Variants in DNAH10 observed in about 807,000 individuals in gnomAD.
DNAH10 encodes the protein dynein axonemal heavy chain 10.
In DNAH10, 348 loss-of-function variants were observed where a neutral mutation model predicts 506.6. The ratio of observed to expected loss-of-function variants is 0.69; its 90% CI spans 0.63 to 0.75. The LOEUF (loss-of-function observed/expected upper bound fraction) is 0.75, where lower values mean the gene tolerates loss of function less well. Ranked by LOEUF, DNAH10 falls within the 30% of genes least tolerant of loss-of-function variation. The pLI is 0.00. For synonymous variants in DNAH10, 2,059 were observed against 2,198.6 expected (o/e 0.94, Z 1.78); for missense variants, 5,179 against 5,787.1 (o/e 0.89, Z 3.41).
At position 123,846,261 on chromosome 12, in the gene DNAH10, T is replaced by G. The variant is rs1950948089; in HGVS notation, c.5814+107T>G. 7.5e-7 allele frequency: 1 copy of G among 1,335,686 alleles called. No individual in the cohort carries two copies. The highest frequency in any genetic ancestry group is 1.5e-5 in the South Asian group (1 of 67,072). The allele number at this position is 1,335,686 out of a possible 1,614,324, so 82.7% of individuals were successfully genotyped here. On this transcript the variant is annotated intron_variant, in intron 32 of 78. Coordinates refer to ENST00000673944, the MANE Select transcript of DNAH10 (RefSeq NM_001372106.1). This position sits in a 1 kb window ranked among gnomAD's most constrained non-coding sequence, Gnocchi z 4.5. ...GTGATTGAAATAGCAGGGGAGATCA[T>G]TGCTTTGAAATCTCGAAAAGCTTTT... is the stretch of plus-strand genomic sequence containing the variant.
chr12:123,851,165 T>C (rs1360818930), intron 35 of DNAH10, 89 bp downstream of exon 35: 1 of 1,384,952 alleles, frequency 7.2e-7, no homozygotes, highest in Non-Finnish European at 9.6e-7. Flanking sequence ...GTTAGCTCCG[T>C]GTGGCTCTTC....
At chr12:123,797,385 CTTTTCTTTTTCTT>C (rs1958318531) in intron 13 of DNAH10, among the ~76,000 whole-genome samples, 1 of 146,420 alleles carries the variant, frequency 6.8e-6, no homozygotes, top group African/African-American at 2.7e-5. Flanking sequence ...CCTTCTTTTT[CTTTTCTTTTTCTT>C]TTTTTTTTTT....
chr12:123,834,127 TTTTG>T (rs1002927014), intron 27 of DNAH10, among the ~76,000 whole-genome samples: 19 of 152,312 alleles, frequency 1.2e-4, no homozygotes, highest in African/African-American at 4.6e-4. Flanking sequence ...TTCCTTGCTT[TTTTG>T]TTTGTTTGTT....
At chr12:123,904,609 C>A (rs1366173137) in intron 57 of DNAH10, among the ~76,000 whole-genome samples, 1 of 152,136 alleles carries the variant, frequency 6.6e-6, no homozygotes, top group South Asian at 2.1e-4. Flanking sequence ...GCCCCGCTCA[C>A]CCCTGAGAAA....
At chr12:123,831,765 G>C (rs1016489134) in intron 26 of DNAH10, among the ~76,000 whole-genome samples, 11 of 151,682 alleles carry the variant, frequency 7.3e-5, no homozygotes, top group African/African-American at 2.4e-4. Context: ...GTGGTGCCGG[G>C]TGTGGTGGCG....
At chr12:123,817,099 C>CTTTTTTTT (rs755698934) in intron 21 of DNAH10, among the ~76,000 whole-genome samples, 1 of 87,032 alleles carries the variant, frequency 1.1e-5, no homozygotes, top group Admixed American at 1.1e-4. Flanking sequence ...TCCAGTCTAA[C>CTTTTTTTT]TTTTTTTTTT....
rs774406669 is a variant in DNAH10 at position 123,875,431 on chromosome 12, A to G, written c.8139A>G (p.Pro2713=). The G allele has an allele frequency of 1.2e-6, 2 of 1,614,024 alleles. No individual in the cohort carries two copies. The highest frequency in any genetic ancestry group is 2.2e-5 in the South Asian group (2 of 91,084). Reference sequence around the variant, plus strand: ...CGCTATTCAGTGTCTTCAATGTGCCATTTCCTTCAGAGGAGTCTCTGCATT... The same window carrying G: ...CGCTATTCAGTGTCTTCAATGTGCCGTTTCCTTCAGAGGAGTCTCTGCATT... ...FISLFSVFNV[P]FPSEESLHLI... is the part of the protein sequence containing the mutation. Residue 2713 remains proline (P), a synonymous_variant, in exon 47 of 79, where the codon CCA becomes CCG. Coordinates refer to ENST00000673944, the MANE Select transcript of DNAH10 (RefSeq NM_001372106.1).
At chr12:123,809,439 A>G (rs1198008651) in intron 19 of DNAH10, among the ~76,000 whole-genome samples, 1 of 152,130 alleles carries the variant, frequency 6.6e-6, no homozygotes, top group Non-Finnish European at 1.5e-5. Context: ...TAAGCCCAGG[A>G]GTTCCAGACC....
Position 123,785,848 on chromosome 12 carries a change from G to A in DNAH10, c.1333G>A (p.Asp445Asn). The stretch of plus-strand genomic sequence containing the variant: ...GATCATCTCCCGACACTACAACAAA[G>A]ACGAGAGGATGATTCCGCTCATGGA... ...VWIISRHYNK[D>N]ERMIPLMERI... Residue 445 changes from aspartate (D) to asparagine (N), a missense_variant, in exon 9 of 79, where the codon GAC becomes AAC. Around this residue, in one of 3 missense-constraint regions of DNAH10, gnomAD observed 4,844 missense variants for 5,430.5 expected, o/e 0.89. Coordinates refer to ENST00000673944, the MANE Select transcript of DNAH10 (RefSeq NM_001372106.1). This position sits in a 1 kb window ranked among gnomAD's most constrained non-coding sequence, Gnocchi z 4.1. The A allele has an allele frequency of 1.2e-6, 2 of 1,614,074 alleles. No homozygotes were observed. The highest frequency in any genetic ancestry group is 4.5e-5 in the East Asian group (2 of 44,872).
At chr12:123,876,460 T>G (rs1339479859) in intron 47 of DNAH10, among the ~76,000 whole-genome samples, 2 of 151,194 alleles carry the variant, frequency 1.3e-5, no homozygotes, top group Non-Finnish European at 2.9e-5. Flanking sequence ...TAGCAAAACC[T>G]CATCTCTACT....
chr12:123,769,948 T>C (rs1957188478), intron 2 of DNAH10, among the ~76,000 whole-genome samples: 1 of 145,880 alleles, frequency 6.9e-6, no homozygotes, highest in Admixed American at 7.0e-5. Context: ...TTAACTTAAA[T>C]TTAATTTTTT....
rs956491166 is a variant in DNAH10, at chr12:123,770,793, G to A, written c.299-808G>A. The stretch of plus-strand genomic sequence containing the variant: ...GGGAAAGCTCCTTTCTCTAATCACC[G>A]GCCTTGTTGGATGTTCTGAGGGCTC... On this transcript the variant is annotated intron_variant, in intron 2 of 78. Transcript: ENST00000673944. Among the ~76,000 whole-genome samples the A allele has an allele frequency of 7.2e-5, 11 of 152,098 alleles. 1 individual carries two copies. The highest frequency in any genetic ancestry group is 9.6e-5 in the African/African-American group (4 of 41,502).
At chr12:123,777,067 C>G (rs1957468028) in intron 5 of DNAH10, among the ~76,000 whole-genome samples, 1 of 152,084 alleles carries the variant, frequency 6.6e-6, no homozygotes, top group Non-Finnish European at 1.5e-5. Context: ...AAGATTTGGA[C>G]AAAAAAGTCC....
At chr12:123,872,657 C>G (rs1040860989) in intron 45 of DNAH10, among the ~76,000 whole-genome samples, 1 of 152,070 alleles carries the variant, frequency 6.6e-6, no homozygotes, top group East Asian at 1.9e-4. Context: ...AAAAAATACC[C>G]TAGACCACCA....
chr12:123,800,338 T>A lies in DNAH10; in HGVS notation c.2412T>A (p.Thr804=). The A allele has an allele frequency of 6.2e-7, 1 of 1,614,180 alleles. No individual in the cohort carries two copies. The highest frequency in any genetic ancestry group is 1.1e-5 in the South Asian group (1 of 91,078). ...ETKYLEQLGF[T]VPELARNVAL... is the part of the protein sequence containing the mutation. ...AGTACTTAGAGCAGCTGGGGTTCAC[T>A]GTCCCTGAATTAGCAAGAAATGTTG... The change falls in exon 15 of 79, where the codon ACT becomes ACA. Residue 804 remains threonine, a synonymous_variant. Coordinates refer to ENST00000673944, the MANE Select transcript of DNAH10 (RefSeq NM_001372106.1).
chr12:123,780,641 A>G (rs1228193994), intron 5 of DNAH10, among the ~76,000 whole-genome samples: 1 of 151,876 alleles, frequency 6.6e-6, no homozygotes, highest in African/African-American at 2.4e-5. Context: ...TTCACTTTGC[A>G]TATTTGTATC....
intron 23 of DNAH10, among the ~76,000 whole-genome samples, chr12:123,820,043 T>A (rs891657664): frequency 2.0e-5 from 3 of 152,086 alleles, no homozygotes; most frequent in African/African-American, 7.2e-5. Context: ...GTAAATACCA[T>A]GAGACAAAAA....
Position 123,798,601 on chromosome 12 carries a change from A to G in DNAH10, c.2164-645A>G, listed in dbSNP as rs546513771. On this transcript the variant is annotated intron_variant, in intron 13 of 78. Transcript: ENST00000673944. ...ATTTGGGAGGACAGAGATCTGTGCTATATCACCATCGCAGACCAACTCTCC... is the reference window on the plus strand; with the variant it reads ...ATTTGGGAGGACAGAGATCTGTGCTGTATCACCATCGCAGACCAACTCTCC... 5.3e-5 allele frequency among the ~76,000 whole-genome samples: 8 copies of G among 152,182 alleles called. No homozygotes were observed. The East Asian group carries it at 9.6e-4, about 18-fold the overall frequency.
At chr12:123,823,081 AGGAGAGTGGCCCACTG>A (rs1419550701) in intron 24 of DNAH10, among the ~76,000 whole-genome samples, 2 of 152,226 alleles carry the variant, frequency 1.3e-5, no homozygotes, top group East Asian at 3.8e-4. Flanking sequence ...CAGAGGAGGA[AGGAGAGTGGCCCACTG>A]GCCCAGGGAA....
Sources: allele counts gnomAD v4.1 joint callset (sites outside exome capture counted in the v4.1 genomes callset), GRCh38; gene constraint gnomAD v4.1.1; regional missense constraint gnomAD v4.1.1; non-coding constraint Gnocchi (gnomAD v3.1); transcripts MANE v1.5; gene names NCBI Gene and HGNC (gene_info 2026-07-23, HGNC 2026-07-21).